The following ZMYM4 variants were observed in gnomAD, a reference collection of about 807,000 sequenced individuals.
ZMYM4 encodes zinc finger MYM-type containing 4.
Under a neutral mutation model 183.2 loss-of-function variants are expected in ZMYM4, and 31 were observed. The ratio of observed to expected loss-of-function variants is 0.17; its 90% CI spans 0.13 to 0.23. The LOEUF is 0.23. Among genes scored for constraint, ZMYM4 ranks in the 10% least tolerant of loss-of-function variants. The probability of loss-of-function intolerance (pLI) is 1.00; values close to 1 mark genes in which losing one functional copy is unlikely to be tolerated. For synonymous variants in ZMYM4, 592 were observed against 631.2 expected (o/e 0.94, Z 0.93); for missense variants, 1,273 against 1,840.3 (o/e 0.69, Z 5.64).
At chr1:35,390,463 G>A (rs948828750) in intron 15 of ZMYM4, among the ~76,000 whole-genome samples, 1 of 151,962 alleles carries the variant, frequency 6.6e-6, no homozygotes, top group Non-Finnish European at 1.5e-5. Flanking sequence ...GTCACAAAGT[G>A]CTCAGTGGGG....
At chr1:35,301,545 CAAAA>C (rs531815209) in intron 1 of ZMYM4, among the ~76,000 whole-genome samples, 1 of 80,656 alleles carries the variant, frequency 1.2e-5, no homozygotes. Flanking sequence ...GAGGGTGTCT[CAAAA>C]AAAAAAAAAA....
At chr1:35,309,959 CTCTT>C (rs1641719585) in intron 1 of ZMYM4, among the ~76,000 whole-genome samples, 1 of 143,302 alleles carries the variant, frequency 7.0e-6, no homozygotes, top group African/African-American at 2.6e-5. Context: ...TGGAGTTTCA[CTCTT>C]GTCGCCCAAG....
At chr1:35,330,847 C>T (rs1467402753) in intron 2 of ZMYM4, among the ~76,000 whole-genome samples, 1 of 152,136 alleles carries the variant, frequency 6.6e-6, no homozygotes, top group African/African-American at 2.4e-5. Flanking sequence ...TGTACCTCAC[C>T]CTAGTTCACT....
chr1:35,385,741 C>A, intron 10 of ZMYM4, 149 bp downstream of exon 10: 1 of 961,984 alleles, frequency 1.0e-6, no homozygotes, highest in Non-Finnish European at 1.4e-6. Context: ...ACCTTGATTG[C>A]TTATTTATTT....
intron 1 of ZMYM4, among the ~76,000 whole-genome samples, chr1:35,271,912 A>G (rs1050317010): frequency 8.5e-5 from 13 of 152,226 alleles, no homozygotes; most frequent in Middle Eastern, 3.4e-3. Context: ...GCAGTGAGCT[A>G]TGATATTGCC....
At chr1:35,396,706 A>T in intron 19 of ZMYM4, 36 bp downstream of exon 19, 1 of 1,602,686 alleles carries the variant, frequency 6.2e-7, no homozygotes, top group Non-Finnish European at 8.5e-7. Context: ...CTAATATAGC[A>T]TGCATTTTCC....
intron 2 of ZMYM4, chr1:35,351,648 T>G: frequency 1.7e-6 from 1 of 577,412 alleles, no homozygotes; most frequent in Non-Finnish European, 3.1e-6. Flanking sequence ...ATAAAGACAA[T>G]AAACTGATGG....
intron 3 of ZMYM4, among the ~76,000 whole-genome samples, chr1:35,360,830 A>G (rs1643918988): frequency 6.6e-6 from 1 of 152,052 alleles, no homozygotes; most frequent in Non-Finnish European, 1.5e-5. Flanking sequence ...GTGAATTTTT[A>G]ACTGAGCTGA....
At position 35,299,797 on chromosome 1, in the gene ZMYM4, C is replaced by CTTTTTTT. The variant is rs553866480; in HGVS notation, c.40-25556_40-25550dup. Among the ~76,000 whole-genome samples the CTTTTTTT allele has an allele frequency of 7.0e-5, 10 of 143,008 alleles. 2 individuals are homozygous for CTTTTTTT. The highest frequency in any genetic ancestry group is 2.0e-4 in the African/African-American group (8 of 39,326). 93.8% of individuals were successfully genotyped at this position (143,008 alleles called of 152,430 possible). A position where few individuals can be genotyped will look rare whatever the true frequency, so the allele number is the denominator to read the frequency against. ...CAGAGATTCTTTCTTTCTTTCTTTT[C>CTTTTTTT]TTTTTTTTTTTTTATGAGACAGAGT... On this transcript the variant is annotated intron_variant, in intron 1 of 29. Coordinates refer to ENST00000314607, the MANE Select transcript of ZMYM4 (RefSeq NM_005095.3).
intron 7 of ZMYM4, among the ~76,000 whole-genome samples, chr1:35,380,295 T>C (rs1244838852): frequency 2.0e-5 from 3 of 151,770 alleles, no homozygotes; most frequent in Admixed American, 6.6e-5. Context: ...AAAATTGGTT[T>C]TTATTATTTA....
intron 1 of ZMYM4, among the ~76,000 whole-genome samples, chr1:35,288,937 A>G (rs1640631498): frequency 6.6e-6 from 1 of 152,242 alleles, no homozygotes; most frequent in South Asian, 2.1e-4. Context: ...AGTAGAACAA[A>G]TAGACCATTA....
chr1:35,395,923 T>C (rs1301829599), intron 18 of ZMYM4, among the ~76,000 whole-genome samples: 1 of 152,248 alleles, frequency 6.6e-6, no homozygotes, highest in Non-Finnish European at 1.5e-5. Flanking sequence ...TCCATCTTGC[T>C]ACTTTCTCCA....
chr1:35,322,750 C>T (rs926775763), intron 1 of ZMYM4, among the ~76,000 whole-genome samples: 4 of 152,240 alleles, frequency 2.6e-5, no homozygotes, highest in East Asian at 3.9e-4. Context: ...AGTGCAATGG[C>T]GTGATCTCGG....
At chr1:35,309,173 T>C (rs996939798) in intron 1 of ZMYM4, 28 of 491,218 alleles carry the variant, frequency 5.7e-5, no homozygotes, top group Non-Finnish European at 6.9e-5. Context: ...TTTTATAATA[T>C]TAATTTTATA....
At chr1:35,370,844 G>A (rs1327325724) in intron 7 of ZMYM4, 1 of 472,264 alleles carries the variant, frequency 2.1e-6, no homozygotes, top group African/African-American at 2.2e-5. Context: ...TTTCAATAAT[G>A]TTACTTTTAT....
In ZMYM4 at chr1:35,386,952, T is replaced by C. The variant is rs746465026; in HGVS notation, c.1837-51T>C. The stretch of plus-strand genomic sequence containing the variant: ...GGCATATGTAGGCACACAATACTTC[T>C]TTGTTTTAACAAAGATTAAATTGAT... On this transcript the variant is annotated intron_variant, in intron 11 of 29. Transcript: ENST00000314607. 3 of 1,562,278 alleles carry C rather than the reference T, an allele frequency of 1.9e-6. No individual in the cohort carries two copies. The African/African-American group carries it at 4.1e-5, about 21-fold the overall frequency.
At chr1:35,387,421 TTTAA>T in intron 12 of ZMYM4, 29 bp from the exon 13 acceptor site, 1 of 1,581,244 alleles carries the variant, frequency 6.3e-7, no homozygotes, top group Non-Finnish European at 8.6e-7. Context: ...AAACCAAATG[TTTAA>T]TTAGTACTTA....
chr1:35,408,069 C>T lies in ZMYM4; in HGVS notation c.3858C>T (p.Gly1286=), dbSNP rs757678579. ...GCACTTTTGCTGAGTTGAGTTTGGG[C>T]TTATGCCAGTTTATCCAAGAGGTGC... ...LSCTFAELSL[G]LCQFIQEVRR... is the part of the protein sequence containing the mutation. The change falls in exon 26 of 30, where the codon GGC becomes GGT. Residue 1286 remains glycine, a synonymous_variant. Coordinates refer to ENST00000314607, the MANE Select transcript of ZMYM4 (RefSeq NM_005095.3). 5.0e-6 allele frequency: 8 copies of T among 1,614,050 alleles called. No homozygotes were observed. Among genetic ancestry groups the T allele is most frequent in the Non-Finnish European group, 5.9e-6 (7 of 1,180,030 alleles).
intron 13 of ZMYM4, 118 bp from the exon 14 acceptor site, chr1:35,388,792 T>C: frequency 1.1e-6 from 1 of 904,910 alleles, no homozygotes; most frequent in African/African-American, 1.7e-5. Context: ...CCCGCCAGCC[T>C]CCCAAAGTGT....
Sources: allele counts gnomAD v4.1 joint callset (sites outside exome capture counted in the v4.1 genomes callset), GRCh38; gene constraint gnomAD v4.1.1; transcripts MANE v1.5; gene names NCBI Gene and HGNC (gene_info 2026-07-23, HGNC 2026-07-21).